Variants in EHBP1 observed in about 807,000 individuals in gnomAD.
The protein encoded by EHBP1 is EH domain-binding protein 1.
A neutral mutation model predicts 144.0 loss-of-function variants in EHBP1; 55 were observed. That is an observed-to-expected ratio of 0.38 (90% CI 0.31 to 0.48). The LOEUF (loss-of-function observed/expected upper bound fraction) is 0.48, where lower values mean the gene tolerates loss of function less well. EHBP1 is among the 20% of genes least tolerant of loss of function. EHBP1 has a pLI of 0.98. For synonymous variants in EHBP1, 469 were observed against 472.7 expected, an observed-to-expected ratio of 0.99 and a Z score of 0.10; for missense variants, 1,200 against 1,364.2, an observed-to-expected ratio of 0.88 and a Z score of 1.90.
intron 5 of EHBP1, among the ~76,000 whole-genome samples, chr2:62,801,656 A>G (rs574969129): frequency 6.6e-6 from 1 of 152,356 alleles, no homozygotes; most frequent in Non-Finnish European, 1.5e-5. Context: ...AATACTTAAA[A>G]TCATGCTTAC....
intron 21 of EHBP1, chr2:63,044,213 A>C (rs1457275138): frequency 6.9e-6 from 1 of 145,972 alleles, no homozygotes; most frequent in Non-Finnish European, 1.5e-5. Context: ...TAAGGAAATC[A>C]TCAGACCAGC....
At chr2:63,031,154 T>C (rs2061232292) in intron 19 of EHBP1, among the ~76,000 whole-genome samples, 1 of 152,156 alleles carries the variant, frequency 6.6e-6, no homozygotes, top group Admixed American at 6.5e-5. Flanking sequence ...ATCTTTGATA[T>C]TAATATATCT....
chr2:63,002,065 A>G (rs1013121085), intron 19 of EHBP1, among the ~76,000 whole-genome samples: 2 of 152,130 alleles, frequency 1.3e-5, no homozygotes, highest in African/African-American at 2.4e-5. Context: ...TGAAAATCAG[A>G]CTGTAAAACA....
chr2:62,855,413 C>T (rs1573731674), intron 7 of EHBP1, among the ~76,000 whole-genome samples: 3 of 152,098 alleles, frequency 2.0e-5, no homozygotes, highest in Non-Finnish European at 2.9e-5. Context: ...CCCATTGGCA[C>T]CTACACCCTA....
intron 7 of EHBP1, among the ~76,000 whole-genome samples, chr2:62,845,622 G>T (rs910970327): frequency 1.3e-5 from 2 of 151,394 alleles, no homozygotes; most frequent in Non-Finnish European, 2.9e-5. Flanking sequence ...TTTGCTCCTG[G>T]TTTTTACCTG....
At chr2:62,691,868 G>T (rs2033917725) in intron 1 of EHBP1, among the ~76,000 whole-genome samples, 1 of 152,190 alleles carries the variant, frequency 6.6e-6, no homozygotes, top group Admixed American at 6.5e-5. Flanking sequence ...TGGCTGCAGT[G>T]GTTTCTTTCT....
rs935582123 is a variant in EHBP1 at position 62,874,366 on chromosome 2, C to G, written c.1019C>G (p.Pro340Arg). The G allele has an allele frequency of 1.3e-6, 2 of 1,597,866 alleles. No homozygotes were observed. The highest frequency in any genetic ancestry group is 1.7e-5 in the Admixed American group (1 of 57,292). The change falls in exon 10 of 23, where the codon CCT becomes CGT. Residue 340 changes from proline to arginine, a missense_variant. Transcript: ENST00000431489. ...CTTAGATCAAATCCTTTTTATGAACCTAAATCAACTCCTCCTCCAAATAAT... is the reference window on the plus strand; with the variant it reads ...CTTAGATCAAATCCTTTTTATGAACGTAAATCAACTCCTCCTCCAAATAAT... ...ELDESNPFYE[P>R]KSTPPPNNLV... is the part of the protein sequence containing the mutation.
At chr2:62,688,062 G>T (rs551077238) in intron 1 of EHBP1, among the ~76,000 whole-genome samples, 1 of 152,186 alleles carries the variant, frequency 6.6e-6, no homozygotes. Context: ...TTTCACAAAA[G>T]CAGCAAAGTG....
At chr2:62,765,338 GC>G (rs1466570008) in intron 4 of EHBP1, among the ~76,000 whole-genome samples, 2 of 152,024 alleles carry the variant, frequency 1.3e-5, no homozygotes, top group Admixed American at 1.3e-4. Flanking sequence ...CATTATCTGT[GC>G]TTTAAAACGT....
At chr2:62,746,451 GA>G in intron 2 of EHBP1, among the ~76,000 whole-genome samples, 1 of 152,112 alleles carries the variant, frequency 6.6e-6, no homozygotes, top group Admixed American at 6.6e-5. Flanking sequence ...GAAAGCACGG[GA>G]TTCCAGTGTA....
chr2:62,696,136 C>T (rs1427884556), intron 1 of EHBP1, among the ~76,000 whole-genome samples: 1 of 148,760 alleles, frequency 6.7e-6, no homozygotes, highest in Non-Finnish European at 1.5e-5. Flanking sequence ...CCCTCCCTCC[C>T]TTCCTTTCTC....
intron 10 of EHBP1, among the ~76,000 whole-genome samples, chr2:62,888,133 T>A (rs1015327999): frequency 6.6e-6 from 1 of 152,200 alleles, no homozygotes; most frequent in African/African-American, 2.4e-5. Flanking sequence ...AAGTGTGAGC[T>A]CTGCATCTGC....
intron 10 of EHBP1, among the ~76,000 whole-genome samples, chr2:62,908,982 G>A (rs1358358920): frequency 6.6e-6 from 1 of 152,280 alleles, no homozygotes; most frequent in Middle Eastern, 3.4e-3. Flanking sequence ...TTACATGTAT[G>A]TGCTAAATCA....
At chr2:62,807,535 C>T (rs536463063) in intron 5 of EHBP1, among the ~76,000 whole-genome samples, 8 of 152,120 alleles carry the variant, frequency 5.3e-5, no homozygotes, top group South Asian at 2.1e-4. Context: ...GCAATAAGAG[C>T]GAAACTCCGC....
At position 62,826,045 on chromosome 2, in the gene EHBP1, A is replaced by G. The variant is rs116598137; in HGVS notation, c.313-42A>G. On this transcript the variant is annotated intron_variant, in intron 5 of 22. Transcript: ENST00000431489. ...GTACTTTAAAATGTTTGGCTATAAA[A>G]TAACTCAAAATTACATACTTTTTTT... The G allele has an allele frequency of 5.9e-4, 813 of 1,385,884 alleles. 2 individuals are homozygous for G. In the African/African-American group the frequency reaches 0.01, roughly 18 times the overall value. 85.8% of individuals were successfully genotyped at this position (1,385,884 alleles called of 1,614,324 possible). A position where few individuals can be genotyped will look rare whatever the true frequency, so the allele number is the denominator to read the frequency against.
At chr2:62,853,561 G>A (rs759139826) in intron 7 of EHBP1, among the ~76,000 whole-genome samples, 5 of 152,260 alleles carry the variant, frequency 3.3e-5, no homozygotes, top group Non-Finnish European at 7.4e-5. Context: ...AACTCCTGTT[G>A]ATATTGATAT....
intron 10 of EHBP1, among the ~76,000 whole-genome samples, chr2:62,904,862 G>C (rs1451734873): frequency 1.3e-5 from 2 of 152,162 alleles, no homozygotes; most frequent in Non-Finnish European, 2.9e-5. Context: ...CTTACCATAT[G>C]CTAGGAAATG....
rs188286120 is a variant in EHBP1, at chr2:62,949,261, A to G, written c.2316+99A>G. 3.5e-4 allele frequency: 378 copies of G among 1,091,994 alleles called. 1 individual carries two copies. The Admixed American group carries it at 3.7e-3, about 11-fold the overall frequency. 67.6% of individuals were successfully genotyped at this position (1,091,994 alleles called of 1,614,324 possible). A position where few individuals can be genotyped will look rare whatever the true frequency, so the allele number is the denominator to read the frequency against. ...TAGATGCTACAAATGATTAAAGGTG[A>G]AGTGTAATTTCTATTATAAAAACTC... On this transcript the variant is annotated intron_variant, in intron 13 of 22. Coordinates refer to ENST00000431489, the MANE Select transcript of EHBP1 (RefSeq NM_001142616.3).
chr2:62,709,406 G>A (rs374639380), intron 2 of EHBP1, among the ~76,000 whole-genome samples: 1 of 152,104 alleles, frequency 6.6e-6, no homozygotes, highest in South Asian at 2.1e-4. Flanking sequence ...GAGCATCAAC[G>A]TTAAGATGGT....
Sources: allele counts gnomAD v4.1 joint callset (sites outside exome capture counted in the v4.1 genomes callset), GRCh38; gene constraint gnomAD v4.1.1; transcripts MANE v1.5; gene names NCBI Gene and HGNC (gene_info 2026-07-23, HGNC 2026-07-21).